XPR1: variants seen among roughly 807,000 people sequenced by gnomAD.
XPR1 encodes the protein solute carrier family 53 member 1.
A neutral mutation model predicts 87.5 loss-of-function variants in XPR1; 28 were observed. The observed-to-expected ratio is 0.32, with a 90% CI of 0.24 to 0.44. The LOEUF is 0.44. XPR1 is among the 20% of genes least tolerant of loss of function. The pLI is 1.00. For missense variants in XPR1, 559 were observed against 862.3 expected (o/e 0.65, Z 4.41); for synonymous variants, 300 against 306.1 (o/e 0.98, Z 0.21).
intron 1 of XPR1, among the ~76,000 whole-genome samples, chr1:180,652,787 A>T (rs1655339273): frequency 6.6e-6 from 1 of 152,240 alleles, no homozygotes. Context: ...ACTGGATAGC[A>T]GATTACCTCA....
chr1:180,690,926 G>T (rs1656972445), intron 2 of XPR1, among the ~76,000 whole-genome samples: 1 of 151,664 alleles, frequency 6.6e-6, no homozygotes, highest in South Asian at 2.1e-4. Context: ...GTGTGTGTGT[G>T]TTTTAAAAAT....
intron 9 of XPR1, among the ~76,000 whole-genome samples, chr1:180,826,122 G>C (rs1321173648): frequency 6.6e-6 from 1 of 152,064 alleles, no homozygotes; most frequent in Non-Finnish European, 1.5e-5. Context: ...CACTTTACCT[G>C]TCTCTTAATG....
At chr1:180,777,337 T>TA (rs1263201117) in intron 2 of XPR1, among the ~76,000 whole-genome samples, 3 of 152,214 alleles carry the variant, frequency 2.0e-5, no homozygotes, top group African/African-American at 7.2e-5. Context: ...TCTCTCTGCT[T>TA]AAAATCCTTC....
At chr1:180,710,203 G>GT (rs60565276) in intron 2 of XPR1, among the ~76,000 whole-genome samples, 3,587 of 138,548 alleles carry the variant, frequency 0.026, 113 homozygotes, top group East Asian at 0.13. Context: ...GTTTAATTTA[G>GT]TTTTTTTTTT....
At chr1:180,676,060 A>G (rs1349449311) in intron 1 of XPR1, among the ~76,000 whole-genome samples, 1 of 152,212 alleles carries the variant, frequency 6.6e-6, no homozygotes, top group African/African-American at 2.4e-5. Context: ...ATCAGAATGA[A>G]GACTCGTCAT....
intron 13 of XPR1, 69 bp downstream of exon 13, chr1:180,874,011 T>C: frequency 6.9e-7 from 1 of 1,441,928 alleles, no homozygotes; most frequent in Non-Finnish European, 9.3e-7. Context: ...ACTTACAAAT[T>C]AGAATTTATT....
intron 2 of XPR1, among the ~76,000 whole-genome samples, chr1:180,760,734 TG>T (rs1392282499): frequency 2.0e-5 from 3 of 152,082 alleles, no homozygotes; most frequent in African/African-American, 4.8e-5. Context: ...AAGCTACCAA[TG>T]GACTTTCTTC....
chr1:180,769,001 G>T (rs763442303), intron 2 of XPR1, among the ~76,000 whole-genome samples: 3 of 152,064 alleles, frequency 2.0e-5, no homozygotes, highest in African/African-American at 4.8e-5. Flanking sequence ...TCCCAGCAGT[G>T]CAATGCATGA....
chr1:180,667,026 C>T (rs895478609), intron 1 of XPR1, among the ~76,000 whole-genome samples: 10 of 152,112 alleles, frequency 6.6e-5, no homozygotes, highest in Non-Finnish European at 1.5e-4. Flanking sequence ...AGTTTTCCTC[C>T]CACCTCAGGC....
chr1:180,689,749 T>C (rs1025610773), intron 2 of XPR1, among the ~76,000 whole-genome samples: 5 of 152,190 alleles, frequency 3.3e-5, no homozygotes, highest in African/African-American at 1.2e-4. Flanking sequence ...TTGCGACAAA[T>C]GTACCATATT....
rs12030483 is a variant in XPR1, at chr1:180,722,897, T to G, written c.121+40486T>G. On this transcript the variant is annotated intron_variant, in intron 2 of 14. Coordinates refer to ENST00000367590, the MANE Select transcript of XPR1 (RefSeq NM_004736.4). ...GACCTTTAATATGAATGCATTTCAT[T>G]TTATCACTTTTTGTAATTAAAAGAG... Among the ~76,000 whole-genome samples, 3,332 of 152,222 alleles carry G rather than the reference T, an allele frequency of 0.022. 409 individuals carry two copies. The East Asian group carries it at 0.36, about 17-fold the overall frequency.
At chr1:180,698,038 T>G (rs992985582) in intron 2 of XPR1, among the ~76,000 whole-genome samples, 1 of 152,154 alleles carries the variant, frequency 6.6e-6, no homozygotes, top group African/African-American at 2.4e-5. Flanking sequence ...GAGAGTAGGG[T>G]GTTGAAGTTC....
chr1:180,747,497 A>T (rs1647303661), intron 2 of XPR1, among the ~76,000 whole-genome samples: 1 of 152,350 alleles, frequency 6.6e-6, no homozygotes, highest in South Asian at 2.1e-4. Flanking sequence ...GATCTTAAGT[A>T]CAGAAATTAT....
At chr1:180,680,357 CTTTTTTT>C (rs369905770) in intron 1 of XPR1, among the ~76,000 whole-genome samples, 1,488 of 83,438 alleles carry the variant, frequency 0.018, 25 homozygotes, top group African/African-American at 0.069. Flanking sequence ...CAAATAGAAC[CTTTTTTT>C]TTTTTTTTTT....
chr1:180,881,228 ATC>A (rs1458357841), intron 14 of XPR1, among the ~76,000 whole-genome samples: 1 of 151,948 alleles, frequency 6.6e-6, no homozygotes, highest in Non-Finnish European at 1.5e-5. Flanking sequence ...CAGTGGTGCA[ATC>A]TCCACTCACT....
At chr1:180,770,535 G>A (rs1420153814) in intron 2 of XPR1, among the ~76,000 whole-genome samples, 3 of 152,102 alleles carry the variant, frequency 2.0e-5, no homozygotes, top group Non-Finnish European at 4.4e-5. Flanking sequence ...AGATATGAAG[G>A]GAGGCTGGGG....
At chr1:180,788,118 G>A (rs1305421316) in intron 3 of XPR1, among the ~76,000 whole-genome samples, 1 of 152,092 alleles carries the variant, frequency 6.6e-6, no homozygotes, top group Non-Finnish European at 1.5e-5. Context: ...GCTTCACTGT[G>A]GCCCAGTTCA....
intron 7 of XPR1, among the ~76,000 whole-genome samples, chr1:180,822,620 G>C (rs1193322298): frequency 6.6e-6 from 1 of 152,068 alleles, no homozygotes; most frequent in African/African-American, 2.4e-5. Context: ...AAGGAATAAA[G>C]TTTCCTCAAG....
intron 2 of XPR1, among the ~76,000 whole-genome samples, chr1:180,749,093 C>T (rs1647409772): frequency 6.6e-6 from 1 of 152,140 alleles, no homozygotes; most frequent in Non-Finnish European, 1.5e-5. Context: ...CCCAGTTACT[C>T]AAGAGGCTGA....
Sources: allele counts gnomAD v4.1 joint callset (sites outside exome capture counted in the v4.1 genomes callset), GRCh38; gene constraint gnomAD v4.1.1; transcripts MANE v1.5; gene names NCBI Gene and HGNC (gene_info 2026-07-23, HGNC 2026-07-21).